The following SHROOM3 variants were observed in gnomAD, a reference collection of about 807,000 sequenced individuals.
SHROOM3 encodes the protein shroom family member 3.
Under a neutral mutation model 138.6 loss-of-function variants are expected in SHROOM3, and 47 were observed. The ratio of observed to expected loss-of-function variants is 0.34; its 90% CI spans 0.27 to 0.43. The LOEUF is 0.43. Ranked by LOEUF, SHROOM3 falls within the 20% of genes least tolerant of loss-of-function variation. The pLI is 1.00. For missense variants in SHROOM3, 2,491 were observed against 2,596.5 expected (o/e 0.96, Z 0.88); for synonymous variants, 1,062 against 1,063.3 (o/e 1.00, Z 0.02).
At chr4:76,515,476 G>A (rs1002676268) in intron 1 of SHROOM3, among the ~76,000 whole-genome samples, 1 of 152,020 alleles carries the variant, frequency 6.6e-6, no homozygotes, top group African/African-American at 2.4e-5. Context: ...AATTTCCATT[G>A]TTCTCTGAGA....
At chr4:76,703,898 A>T (rs187253698) in intron 2 of SHROOM3, among the ~76,000 whole-genome samples, 1 of 152,306 alleles carries the variant, frequency 6.6e-6, no homozygotes, top group Admixed American at 6.5e-5. Flanking sequence ...ATTGCCTCCA[A>T]ACATAAGGCA....
rs1722674542 is a variant in SHROOM3, at chr4:76,779,322, G to A, written c.*145G>A. 1 of 1,146,826 alleles carries A rather than the reference G, an allele frequency of 8.7e-7. No homozygotes were observed. Among genetic ancestry groups the A allele is most frequent in the Non-Finnish European group, 1.2e-6 (1 of 832,974 alleles). 71.0% of individuals were successfully genotyped at this position (1,146,826 alleles called of 1,614,324 possible). On this transcript the variant is annotated 3_prime_UTR_variant, in exon 11 of 11. Transcript: ENST00000296043. Reference sequence around the variant, plus strand: ...AAAGGAAAAAAATTCTCTCCAGGAGGAAGCCTTTTTCCTTCTTGCCCTTCC... The same window carrying A: ...AAAGGAAAAAAATTCTCTCCAGGAGAAAGCCTTTTTCCTTCTTGCCCTTCC...
intron 2 of SHROOM3, among the ~76,000 whole-genome samples, chr4:76,687,985 C>T (rs1245007351): frequency 6.6e-6 from 1 of 152,212 alleles, no homozygotes; most frequent in Non-Finnish European, 1.5e-5. Context: ...TTACTCCCCC[C>T]CACGCGCAAT....
rs1014329932 is a variant in SHROOM3, at chr4:76,715,571, T to G, written c.455+5284T>G. ...AAGCCGATGCTTTTCTCCATAAGCT[T>G]CTCATTCCTTCCTCACCTTCTCCCA... On this transcript the variant is annotated intron_variant, in intron 3 of 10. Coordinates refer to ENST00000296043, the MANE Select transcript of SHROOM3 (RefSeq NM_020859.4). Among the ~76,000 whole-genome samples the G allele has an allele frequency of 9.8e-5, 15 of 152,344 alleles. 1 individual carries two copies. Among genetic ancestry groups the G allele is most frequent in the Admixed American group, 9.1e-4 (14 of 15,310 alleles).
intron 1 of SHROOM3, among the ~76,000 whole-genome samples, chr4:76,541,014 A>G (rs1261950100): frequency 6.6e-6 from 1 of 152,152 alleles, no homozygotes. Flanking sequence ...AAATACATAT[A>G]CAATTTGTTG....
chr4:76,646,247 T>TATATATATAA (rs1355216659), intron 2 of SHROOM3, among the ~76,000 whole-genome samples: 3 of 140,764 alleles, frequency 2.1e-5, no homozygotes, highest in South Asian at 2.2e-4. Flanking sequence ...TATATATATA[T>TATATATATAA]AAAATTAAAA....
intron 2 of SHROOM3, among the ~76,000 whole-genome samples, chr4:76,582,965 G>A (rs1734080026): frequency 6.6e-6 from 1 of 152,208 alleles, no homozygotes; most frequent in African/African-American, 2.4e-5. Flanking sequence ...CTCTGCAAGT[G>A]ATTGCCAAAG....
Position 76,739,904 on chromosome 4 carries a change from T to G in SHROOM3, c.1731T>G (p.Pro577=), listed in dbSNP as rs536037417. 11 of 1,614,014 alleles carry G rather than the reference T, an allele frequency of 6.8e-6. No homozygotes were observed. In the South Asian group the frequency reaches 7.7e-5, roughly 11 times the overall value. ...CCTCCCTGAAGAGACATCTCACACC[T>G]CCCCAAGGCAACAGCCCACATTCCA... ...EDASLKRHLT[P]PQGNSPHSNE... Residue 577 remains proline (P), a synonymous_variant, in exon 5 of 11, where the codon CCT becomes CCG. Transcript: ENST00000296043.
chr4:76,513,237 A>G (rs1732375276), intron 1 of SHROOM3, among the ~76,000 whole-genome samples: 1 of 152,196 alleles, frequency 6.6e-6, no homozygotes, highest in Non-Finnish European at 1.5e-5. Context: ...AGACAATGCC[A>G]GCTAAACACA....
At chr4:76,670,228 T>C (rs1718837556) in intron 2 of SHROOM3, among the ~76,000 whole-genome samples, 1 of 152,248 alleles carries the variant, frequency 6.6e-6, no homozygotes, top group African/African-American at 2.4e-5. Context: ...TGAAATGTTG[T>C]ATTTCTACAC....
intron 2 of SHROOM3, among the ~76,000 whole-genome samples, chr4:76,692,058 C>T (rs1471645527): frequency 4.6e-5 from 7 of 152,208 alleles, no homozygotes; most frequent in Non-Finnish European, 1.0e-4. Flanking sequence ...TGTAGTATCA[C>T]TTGAACAGGA....
At chr4:76,678,020 G>A (rs1470657833) in intron 2 of SHROOM3, among the ~76,000 whole-genome samples, 1 of 152,162 alleles carries the variant, frequency 6.6e-6, no homozygotes, top group Non-Finnish European at 1.5e-5. Flanking sequence ...GTGGTTACTG[G>A]CTAGAATCCC....
At position 76,435,772 on chromosome 4, in the gene SHROOM3, AACG is replaced by A. The variant is rs1730550265; in HGVS notation, c.-280_-278del. ...AGCGCCACTGAAGGAAGTTTTGACG[AACG>A]GAGTAGAGATGTATACCACTTGGGG... On this transcript the variant is annotated 5_prime_UTR_variant, in exon 1 of 11. Transcript: ENST00000296043. 4 of 263,252 alleles carry A rather than the reference AACG, an allele frequency of 1.5e-5. No individual in the cohort carries two copies. Among genetic ancestry groups the A allele is most frequent in the Non-Finnish European group, 2.6e-5 (4 of 152,320 alleles). 16.3% of individuals were successfully genotyped at this position (263,252 alleles called of 1,614,324 possible).
chr4:76,469,469 T>G (rs1157911855), intron 1 of SHROOM3, among the ~76,000 whole-genome samples: 1 of 152,080 alleles, frequency 6.6e-6, no homozygotes, highest in East Asian at 1.9e-4. Flanking sequence ...TTGTCTTTTT[T>G]TTTTTGAGAC....
chr4:76,673,073 G>T (rs907651684), intron 2 of SHROOM3, among the ~76,000 whole-genome samples: 2 of 152,130 alleles, frequency 1.3e-5, no homozygotes, highest in African/African-American at 4.8e-5. Context: ...TTTTTGAAAA[G>T]TCCCTTCCCT....
chr4:76,697,183 C>T (rs1411032209), intron 2 of SHROOM3, among the ~76,000 whole-genome samples: 3 of 151,458 alleles, frequency 2.0e-5, no homozygotes, highest in East Asian at 1.9e-4. Context: ...CCACCTTGAC[C>T]TCCCAAAACA....
chr4:76,452,454 G>A (rs1392965736), intron 1 of SHROOM3, among the ~76,000 whole-genome samples: 3 of 152,200 alleles, frequency 2.0e-5, no homozygotes, highest in Non-Finnish European at 2.9e-5. Context: ...AACTTGATTA[G>A]TCTAGGTGCT....
chr4:76,728,810 G>A lies in SHROOM3; in HGVS notation c.456-1994G>A, dbSNP rs138459458. On this transcript the variant is annotated intron_variant, in intron 3 of 10. Coordinates refer to ENST00000296043, the MANE Select transcript of SHROOM3 (RefSeq NM_020859.4). ...TTCCTCACCACCATGGCCAGGGTCCGAAAGGCTGTGACCATGGTAAGTCTC... is the reference window on the plus strand; with the variant it reads ...TTCCTCACCACCATGGCCAGGGTCCAAAAGGCTGTGACCATGGTAAGTCTC... Among the ~76,000 whole-genome samples the A allele has an allele frequency of 5.3e-3, 806 of 152,190 alleles. 7 individuals are homozygous for A. Among genetic ancestry groups the A allele is most frequent in the African/African-American group, 0.018 (754 of 41,510 alleles).
chr4:76,773,286 A>G (rs1442319861), intron 10 of SHROOM3, among the ~76,000 whole-genome samples: 3 of 151,180 alleles, frequency 2.0e-5, no homozygotes, highest in Non-Finnish European at 4.4e-5. Context: ...AGGCAGGAGA[A>G]TTGCTTGAAC....
Sources: gnomAD v4.1 joint callset for allele counts (sites outside exome capture counted in the v4.1 genomes callset) on GRCh38, gnomAD v4.1.1 for gene constraint, MANE v1.5 for transcripts, NCBI Gene and HGNC (gene_info 2026-07-23, HGNC 2026-07-21) for gene names.